Variants in HMCES observed in about 807,000 individuals in gnomAD.
The protein encoded by HMCES is 5-hydroxymethylcytosine binding, ES cell specific.
HMCES carries 27 observed loss-of-function variants against 35.1 expected under a neutral mutation model. The observed-to-expected ratio is 0.77, with a 90% confidence interval of 0.57 to 1.06. The LOEUF (loss-of-function observed/expected upper bound fraction) is 1.06, where lower values mean the gene tolerates loss of function less well. Ranked by LOEUF, HMCES falls within the 50% of genes least tolerant of loss-of-function variation. The pLI is 0.00. For synonymous variants in HMCES, 130 were observed against 154.7 expected, an observed-to-expected ratio of 0.84 and a Z score of 1.18; for missense variants, 391 against 430.4, an observed-to-expected ratio of 0.91 and a Z score of 0.81.
At chr3:129,302,201 C>G (rs1031106269) in intron 6 of HMCES, 59 bp downstream of exon 6, 2 of 1,437,560 alleles carry the variant, frequency 1.4e-6, no homozygotes, top group Non-Finnish European at 1.9e-6. Context: ...TCAGTGTTCT[C>G]TTTCTTTCAG....
At chr3:129,295,434 CAAAAAAAAA>C in intron 4 of HMCES, among the ~76,000 whole-genome samples, 1 of 139,728 alleles carries the variant, frequency 7.2e-6, no homozygotes, top group Non-Finnish European at 1.6e-5. Flanking sequence ...GAGACTCTAT[CAAAAAAAAA>C]AACAAAAAAA....
In HMCES at chr3:129,305,857, AC is replaced by A. The variant is rs1436611071; in HGVS notation, c.*1033del. On this transcript the variant is annotated 3_prime_UTR_variant, in exon 7 of 7. Coordinates refer to ENST00000383463, the MANE Select transcript of HMCES (RefSeq NM_020187.3). Reference sequence around the variant, plus strand: ...TCGGCCCTGTAACTGCTAATGGGAGACAGCAGCGCCACGCCACAGGCTTTTC... The same window carrying A: ...TCGGCCCTGTAACTGCTAATGGGAGAAGCAGCGCCACGCCACAGGCTTTTC... The A allele has an allele frequency of 6.6e-6, 1 of 152,298 alleles. No individual in the cohort carries two copies. The highest frequency in any genetic ancestry group is 1.5e-5 in the Non-Finnish European group (1 of 68,098). The allele number at this position is 152,298 out of a possible 1,614,324, so 9.4% of individuals were successfully genotyped here.
intron 2 of HMCES, among the ~76,000 whole-genome samples, chr3:129,287,276 G>A (rs368708544): frequency 1.3e-5 from 2 of 151,754 alleles, no homozygotes; most frequent in East Asian, 1.9e-4. Context: ...AGGTTGGAGT[G>A]CAGTGGCTCA....
intron 2 of HMCES, among the ~76,000 whole-genome samples, chr3:129,286,801 A>G (rs562213076): frequency 6.6e-6 from 1 of 152,222 alleles, no homozygotes; most frequent in African/African-American, 2.4e-5. Context: ...GTAACACCCC[A>G]AAATGCACTC....
At position 129,290,667 on chromosome 3, in the gene HMCES, A is replaced by G. The variant is rs771709568; in HGVS notation, c.328-12A>G. On this transcript the variant is annotated splice_polypyrimidine_tract_variant and intron_variant, in intron 3 of 6. Coordinates refer to ENST00000383463, the MANE Select transcript of HMCES (RefSeq NM_020187.3). Reference sequence around the variant, plus strand: ...ATCACTAAGACCATATCTTGCTCACATTTTCCCTCAGGTGCCTCTGGGAAA... The same window carrying G: ...ATCACTAAGACCATATCTTGCTCACGTTTTCCCTCAGGTGCCTCTGGGAAA... 3 of 1,611,320 alleles carry G rather than the reference A, an allele frequency of 1.9e-6. No homozygotes were observed. Among genetic ancestry groups the G allele is most frequent in the Admixed American group, 1.7e-5 (1 of 59,830 alleles).
intron 5 of HMCES, among the ~76,000 whole-genome samples, chr3:129,300,019 A>G (rs1021704952): frequency 1.3e-5 from 2 of 151,970 alleles, no homozygotes; most frequent in Non-Finnish European, 2.9e-5. Context: ...TTGCTCAGGA[A>G]ATAATCACAT....
intron 4 of HMCES, among the ~76,000 whole-genome samples, chr3:129,291,133 T>C (rs959457197): frequency 6.6e-6 from 1 of 151,808 alleles, no homozygotes; most frequent in Non-Finnish European, 1.5e-5. Flanking sequence ...ACCCACGAGA[T>C]AGAGGCTGCA....
intron 5 of HMCES, among the ~76,000 whole-genome samples, chr3:129,298,910 T>C (rs961906044): frequency 9.9e-5 from 15 of 152,162 alleles, no homozygotes; most frequent in African/African-American, 3.6e-4. Context: ...TTTGGGATGC[T>C]GAGGTGGGTG....
At chr3:129,286,584 T>C (rs1402938375) in intron 2 of HMCES, among the ~76,000 whole-genome samples, 1 of 152,240 alleles carries the variant, frequency 6.6e-6, no homozygotes, top group African/African-American at 2.4e-5. Flanking sequence ...ATTCAACATA[T>C]GATCTTCATA....
At chr3:129,287,377 C>A (rs1431881772) in intron 2 of HMCES, among the ~76,000 whole-genome samples, 1 of 151,864 alleles carries the variant, frequency 6.6e-6, no homozygotes, top group African/African-American at 2.4e-5. Context: ...GTGCATGCCA[C>A]CACACCAGAA....
At chr3:129,302,358 T>C (rs2071180110) in intron 6 of HMCES, among the ~76,000 whole-genome samples, 1 of 152,148 alleles carries the variant, frequency 6.6e-6, no homozygotes, top group African/African-American at 2.4e-5. Context: ...AAAATGTAAA[T>C]GCTAGACCCT....
intron 3 of HMCES, among the ~76,000 whole-genome samples, chr3:129,289,506 A>G (rs896516069): frequency 2.0e-5 from 3 of 152,200 alleles, no homozygotes; most frequent in African/African-American, 7.2e-5. Flanking sequence ...GTCATACAGC[A>G]TTACTTATGC....
chr3:129,290,590 C>T, intron 3 of HMCES, 89 bp from the exon 4 acceptor site: 1 of 1,460,368 alleles, frequency 6.8e-7, no homozygotes, highest in South Asian at 1.2e-5. Flanking sequence ...GCCCAAACCT[C>T]AGATTTTAAT....
At position 129,302,159 on chromosome 3, in the gene HMCES, G is replaced by C. The variant is rs144681599; in HGVS notation, c.828+17G>C. The C allele has an allele frequency of 7.1e-3, 11,136 of 1,574,228 alleles. 61 individuals carry two copies. Among genetic ancestry groups the C allele is most frequent in the South Asian group, 9.8e-3 (838 of 85,524 alleles). ...GTCAAAAAGGTAGGGGCCTGTGACT[G>C]GTACAGTCCTTTTTGAGCTTTCTGT... On this transcript the variant is annotated intron_variant, in intron 6 of 6. Coordinates refer to ENST00000383463, the MANE Select transcript of HMCES (RefSeq NM_020187.3).
intron 4 of HMCES, among the ~76,000 whole-genome samples, chr3:129,297,110 T>C (rs1318128819): frequency 6.6e-6 from 1 of 152,124 alleles, no homozygotes; most frequent in East Asian, 1.9e-4. Flanking sequence ...GGATTGACTT[T>C]CCAGAGGGTT....
chr3:129,302,577 G>A (rs2071182846), intron 6 of HMCES, among the ~76,000 whole-genome samples: 1 of 152,136 alleles, frequency 6.6e-6, no homozygotes, highest in South Asian at 2.1e-4. Flanking sequence ...GCTGGGTGTG[G>A]TGGCCCGTCC....
In HMCES at chr3:129,298,546, C is replaced by A. The variant is rs1297766133; in HGVS notation, c.635+11C>A. The A allele has an allele frequency of 1.2e-6, 2 of 1,609,064 alleles. No individual in the cohort carries two copies. The highest frequency in any genetic ancestry group is 2.7e-5 in the African/African-American group (2 of 74,872). Reference sequence around the variant, plus strand: ...TGACATCCACCACAGGCAAGTCATACTTCTTAGCCCTGGATCCAAAAGGAT... The same window carrying A: ...TGACATCCACCACAGGCAAGTCATAATTCTTAGCCCTGGATCCAAAAGGAT... On this transcript the variant is annotated intron_variant, in intron 5 of 6. Coordinates refer to ENST00000383463, the MANE Select transcript of HMCES (RefSeq NM_020187.3).
At chr3:129,304,516 T>C (rs756190637) in intron 6 of HMCES, 73 bp from the exon 7 acceptor site, 31 of 1,310,324 alleles carry the variant, frequency 2.4e-5, no homozygotes, top group Non-Finnish European at 3.3e-5. Context: ...TCTTCCCCTG[T>C]TTCTTCCCTT....
intron 4 of HMCES, among the ~76,000 whole-genome samples, chr3:129,294,084 C>T (rs894968511): frequency 2.0e-5 from 3 of 151,928 alleles, no homozygotes; most frequent in African/African-American, 7.3e-5. Context: ...TTTATAATTG[C>T]ATTTCATCTC....
Sources: allele counts gnomAD v4.1 joint callset (sites outside exome capture counted in the v4.1 genomes callset), GRCh38; gene constraint gnomAD v4.1.1; transcripts MANE v1.5; gene names NCBI Gene and HGNC (gene_info 2026-07-23, HGNC 2026-07-21).